The following TRIM62 variants were observed in gnomAD, a reference collection of about 807,000 sequenced individuals.
The protein encoded by TRIM62 is E3 ubiquitin-protein ligase TRIM62.
A neutral mutation model predicts 44.2 loss-of-function variants in TRIM62; 39 were observed. The ratio of observed to expected loss-of-function variants is 0.88; its 90% CI spans 0.68 to 1.15. The LOEUF is 1.15. TRIM62 is among the 50% of genes most tolerant of loss of function. The pLI is 0.00. For missense variants in TRIM62, 544 were observed against 665.5 expected, an observed-to-expected ratio of 0.82 and a Z score of 2.01; for synonymous variants, 278 against 292.3, an observed-to-expected ratio of 0.95 and a Z score of 0.50.
Position 33,174,404 on chromosome 1 carries a change from G to A in TRIM62, c.408+6621C>T, listed in dbSNP as rs139302978. ...TTGCCATGTTGCCCACACTGGTCTC[G>A]AACTTCTGGGCTCAAGCAATCCTCT... On this transcript the variant is annotated intron_variant, in intron 1 of 4. Coordinates refer to ENST00000291416, the MANE Select transcript of TRIM62 (RefSeq NM_018207.3). Among the ~76,000 whole-genome samples the A allele has an allele frequency of 6.6e-5, 10 of 152,118 alleles. No individual in the cohort carries two copies. In the East Asian group the frequency reaches 1.9e-3, roughly 30 times the overall value.
chr1:33,180,681 C>G (rs1463374358), intron 1 of TRIM62, among the ~76,000 whole-genome samples: 1 of 152,226 alleles, frequency 6.6e-6, no homozygotes, highest in Admixed American at 6.5e-5. Flanking sequence ...GTCCACAACC[C>G]TGCCCCAGCC....
chr1:33,177,708 G>A lies in TRIM62; in HGVS notation c.408+3317C>T, dbSNP rs753675808. Reference sequence around the variant, plus strand: ...TTGCTACTGGCATCTAATGGGTAGAGGCCAGGAATGCTACCAGACTTCCTA... The same window carrying A: ...TTGCTACTGGCATCTAATGGGTAGAAGCCAGGAATGCTACCAGACTTCCTA... On this transcript the variant is annotated intron_variant, in intron 1 of 4. Coordinates refer to ENST00000291416, the MANE Select transcript of TRIM62 (RefSeq NM_018207.3). The surrounding 1 kb of genome is among the most constrained non-coding windows in gnomAD (Gnocchi z 4.1). Among the ~76,000 whole-genome samples the A allele has an allele frequency of 6.6e-6, 1 of 152,158 alleles. No homozygotes were observed. Among genetic ancestry groups the A allele is most frequent in the Non-Finnish European group, 1.5e-5 (1 of 68,034 alleles).
At chr1:33,154,815 C>T (rs1302622391) in intron 4 of TRIM62, among the ~76,000 whole-genome samples, 2 of 117,434 alleles carry the variant, frequency 1.7e-5, no homozygotes, top group Admixed American at 1.7e-4. Context: ...AAAAAGTGGC[C>T]AGGCGCGGTG....
intron 2 of TRIM62, chr1:33,164,038 T>C (rs1403133890): frequency 6.6e-6 from 1 of 152,256 alleles, no homozygotes; most frequent in Non-Finnish European, 1.5e-5. Context: ...TCCGCTCTCA[T>C]ACAGAGAGAG....
rs1281775428 is a variant in TRIM62 at position 33,159,470 on chromosome 1, G to C, written c.761+218C>G. On this transcript the variant is annotated intron_variant, in intron 3 of 4. Transcript: ENST00000291416. This position sits in a 1 kb window ranked among gnomAD's most constrained non-coding sequence, Gnocchi z 4.2. ...GCCCTCTAGATGGTTTTCAAACTGT[G>C]TTCCTCACCATTGCTGCTGCTCCTC... Among the ~76,000 whole-genome samples, 1 of 152,142 alleles carries C rather than the reference G, an allele frequency of 6.6e-6. No homozygotes were observed. The highest frequency in any genetic ancestry group is 1.5e-5 in the Non-Finnish European group (1 of 68,032).
At chr1:33,175,394 T>C (rs1645411470) in intron 1 of TRIM62, among the ~76,000 whole-genome samples, 1 of 152,124 alleles carries the variant, frequency 6.6e-6, no homozygotes, top group Non-Finnish European at 1.5e-5. Flanking sequence ...CCTCCAAATC[T>C]GCCTCATCCC....
rs756251459 is a variant in TRIM62, at chr1:33,181,369, C to G, written c.64G>C (p.Val22Leu). The change falls in exon 1 of 5, where the codon GTG becomes CTG. Residue 22 changes from valine (V) to leucine (L), a missense_variant. Val to Leu is a conservative substitution (Grantham distance 32). Coordinates refer to ENST00000291416, the MANE Select transcript of TRIM62 (RefSeq NM_018207.3). This position sits in a 1 kb window ranked among gnomAD's most constrained non-coding sequence, Gnocchi z 6.5. ...AAGTAATGCTCGCAGCCCAGGCTCA[C>G]CGGGTCCTGGTAGATGCTCAGGCAG... ...SICLSIYQDP[V>L]SLGCEHYFCR... 1.3e-6 allele frequency: 2 copies of G among 1,599,274 alleles called. No homozygotes were observed. Among genetic ancestry groups the G allele is most frequent in the East Asian group, 2.3e-5 (1 of 44,300 alleles).
rs1161088243 is a variant in TRIM62, at chr1:33,175,031, T to TATGTATATGTA, written c.408+5993_408+5994insTACATATACAT. ...TATATGTATATGTATATGTATATGTTTATGTATATGTATATGTATTTTTTT... is the reference window on the plus strand; with the variant it reads ...TATATGTATATGTATATGTATATGTTATGTATATGTATATGTATATGTATATGTATTTTTTT... On this transcript the variant is annotated intron_variant, in intron 1 of 4. Coordinates refer to ENST00000291416, the MANE Select transcript of TRIM62 (RefSeq NM_018207.3). Among the ~76,000 whole-genome samples the TATGTATATGTA allele has an allele frequency of 5.4e-3, 794 of 147,142 alleles. 11 individuals carry two copies. The highest frequency in any genetic ancestry group is 0.015 in the African/African-American group (574 of 39,062).
At chr1:33,174,009 T>C (rs936361611) in intron 1 of TRIM62, among the ~76,000 whole-genome samples, 23 of 152,090 alleles carry the variant, frequency 1.5e-4, no homozygotes, top group African/African-American at 5.1e-4. Flanking sequence ...TTAGCCTCTT[T>C]TTAAAAAAAA....
chr1:33,175,307 G>A (rs1346309342), intron 1 of TRIM62, among the ~76,000 whole-genome samples: 2 of 151,920 alleles, frequency 1.3e-5, no homozygotes, highest in Non-Finnish European at 2.9e-5. Context: ...CTCCTGAAGT[G>A]CTGGGATTAC....
intron 4 of TRIM62, among the ~76,000 whole-genome samples, chr1:33,157,713 C>G (rs936318747): frequency 1.3e-5 from 2 of 151,562 alleles, no homozygotes; most frequent in Non-Finnish European, 2.9e-5. Context: ...GTCATTTCAT[C>G]TGGAGAATGG....
intron 4 of TRIM62, among the ~76,000 whole-genome samples, chr1:33,150,001 TG>T (rs1421937271): frequency 6.6e-6 from 1 of 152,198 alleles, no homozygotes; most frequent in Non-Finnish European, 1.5e-5. Flanking sequence ...CACCTGGCTC[TG>T]GGCTGGCCAC....
rs1645321257 is a variant in TRIM62 at position 33,165,612 on chromosome 1, C to T, written c.409-46G>A. The T allele has an allele frequency of 2.0e-6, 3 of 1,524,190 alleles. No homozygotes were observed. Among genetic ancestry groups the T allele is most frequent in the Admixed American group, 1.9e-5 (1 of 52,398 alleles). The allele number at this position is 1,524,190 out of a possible 1,614,324, so 94.4% of individuals were successfully genotyped here. A position where few individuals can be genotyped will look rare whatever the true frequency, so the allele number is the denominator to read the frequency against. On this transcript the variant is annotated intron_variant, in intron 1 of 4. Transcript: ENST00000291416. This position sits in a 1 kb window ranked among gnomAD's most constrained non-coding sequence, Gnocchi z 4.0. ...GGATGGGGGCAGGGGCCATGCCTGG[C>T]CCAGGCATTCAGCCCTGACCACTGC...
intron 4 of TRIM62, among the ~76,000 whole-genome samples, chr1:33,156,877 G>A (rs1387756023): frequency 2.0e-5 from 3 of 151,952 alleles, no homozygotes; most frequent in Non-Finnish European, 2.9e-5. Context: ...TTGCTAATCC[G>A]CTAGCAAATC....
rs1049607141 is a variant in TRIM62, at chr1:33,146,890, A to T, written c.*287T>A. On this transcript the variant is annotated 3_prime_UTR_variant, in exon 5 of 5. Coordinates refer to ENST00000291416, the MANE Select transcript of TRIM62 (RefSeq NM_018207.3). ...AAGGTAGTCCCCTGCCCCTGAGAAG[A>T]TGGGGATGAGGGTTGGGCAGGGGTT... The T allele has an allele frequency of 4.8e-5, 21 of 438,802 alleles. No homozygotes were observed. 27.2% of individuals were successfully genotyped at this position (438,802 alleles called of 1,614,324 possible). A position where few individuals can be genotyped will look rare whatever the true frequency, so the allele number is the denominator to read the frequency against.
chr1:33,152,127 G>C (rs1645107682), intron 4 of TRIM62, among the ~76,000 whole-genome samples: 1 of 152,244 alleles, frequency 6.6e-6, no homozygotes, highest in Admixed American at 6.5e-5. Context: ...TTTTTCAGAA[G>C]AGGAGACTGA....
intron 1 of TRIM62, among the ~76,000 whole-genome samples, chr1:33,172,492 G>T (rs1477786512): frequency 1.3e-5 from 2 of 152,054 alleles, no homozygotes; most frequent in African/African-American, 4.8e-5. Flanking sequence ...GTGGGCACTG[G>T]AGGAGGCCTT....
intron 1 of TRIM62, among the ~76,000 whole-genome samples, chr1:33,175,001 G>GTATTTATATATATATGTA (rs56292337): frequency 7.4e-6 from 1 of 135,646 alleles, no homozygotes; most frequent in Non-Finnish European, 1.5e-5. Flanking sequence ...ACACACACAT[G>GTATTTATATATATATGTA]TATGTATATG....
chr1:33,174,837 G>A (rs752584195), intron 1 of TRIM62, among the ~76,000 whole-genome samples: 1 of 151,230 alleles, frequency 6.6e-6, no homozygotes, highest in Non-Finnish European at 1.5e-5. Context: ...TCTCTCCTGG[G>A]CCCAACACAG....
Sources: gnomAD v4.1 joint callset for allele counts (sites outside exome capture counted in the v4.1 genomes callset) on GRCh38, gnomAD v4.1.1 for gene constraint, Gnocchi (gnomAD v3.1) non-coding constraint, MANE v1.5 for transcripts, NCBI Gene and HGNC (gene_info 2026-07-23, HGNC 2026-07-21) for gene names.